Variants in PUM2 observed in about 807,000 individuals in gnomAD.
PUM2 encodes pumilio homolog 2.
PUM2 carries 57 observed loss-of-function variants against 124.5 expected under a neutral mutation model. That is an observed-to-expected ratio of 0.46 (90% CI 0.37 to 0.57). The LOEUF is 0.57. PUM2 is among the 20% of genes least tolerant of loss of function. PUM2 has a pLI of 0.00. For synonymous variants in PUM2, 460 were observed against 446.1 expected (o/e 1.03, Z -0.39); for missense variants, 1,065 against 1,290.6 (o/e 0.83, Z 2.68).
Position 20,257,070 on chromosome 2 carries a change from A to G in PUM2, c.2485-900T>C, listed in dbSNP as rs1014392044. ...AAAAAAAAAAAAAAAAAAAAAAAAA[A>G]AAAGAAATCCAAATAATATTGTTAT... On this transcript the variant is annotated intron_variant, in intron 16 of 20. Transcript: ENST00000361078. 9.4e-4 allele frequency among the ~76,000 whole-genome samples: 140 copies of G among 148,724 alleles called. 2 individuals are homozygous for G. In the East Asian group the frequency reaches 0.024, roughly 25 times the overall value.
chr2:20,294,204 A>C (rs1674930810), intron 9 of PUM2, among the ~76,000 whole-genome samples, 172 bp downstream of exon 9: 1 of 152,232 alleles, frequency 6.6e-6, no homozygotes, highest in Admixed American at 6.5e-5. Flanking sequence ...AATTCATATA[A>C]TACTGATTAG....
intron 12 of PUM2, among the ~76,000 whole-genome samples, chr2:20,280,188 T>C (rs1420879868): frequency 1.3e-5 from 2 of 151,982 alleles, no homozygotes; most frequent in Non-Finnish European, 2.9e-5. Flanking sequence ...TATAAAGGGG[T>C]AAAAAAACCA....
At chr2:20,253,736 C>T (rs531655032) in intron 20 of PUM2, 86 bp downstream of exon 20, 48 of 1,225,704 alleles carry the variant, frequency 3.9e-5, no homozygotes, top group Non-Finnish European at 4.0e-5. Flanking sequence ...TTATAACATA[C>T]GGGAGGAAAT....
rs569005284 is a variant in PUM2, at chr2:20,312,116, T to A, written c.348+120A>T. 1.8e-3 allele frequency: 1,616 copies of A among 907,772 alleles called. 3 individuals are homozygous for A. The highest frequency in any genetic ancestry group is 2.4e-3 in the Non-Finnish European group (1,500 of 623,720). The allele number at this position is 907,772 out of a possible 1,614,324, so 56.2% of individuals were successfully genotyped here. A position where few individuals can be genotyped will look rare whatever the true frequency, so the allele number is the denominator to read the frequency against. ...TAAGCAGAAGAATAGCAATAATAGT[T>A]ACAAAATTTCTCTTAGCTATAGGAA... is the stretch of plus-strand genomic sequence containing the variant. On this transcript the variant is annotated intron_variant, in intron 4 of 20. Coordinates refer to ENST00000361078, the MANE Select transcript of PUM2 (RefSeq NM_015317.5).
chr2:20,253,075 T>A (rs754095693), intron 20 of PUM2, among the ~76,000 whole-genome samples: 1 of 152,190 alleles, frequency 6.6e-6, no homozygotes. Context: ...CAGGAGTGGG[T>A]GGGTCCTGCA....
intron 15 of PUM2, 44 bp downstream of exon 15, chr2:20,260,293 C>G: frequency 6.4e-7 from 1 of 1,554,448 alleles, no homozygotes; most frequent in South Asian, 1.2e-5. Context: ...ATCAAGTATA[C>G]AACAGCTGGA....
At chr2:20,328,765 TGAA>T (rs1384358060) in intron 1 of PUM2, among the ~76,000 whole-genome samples, 1 of 152,118 alleles carries the variant, frequency 6.6e-6, no homozygotes, top group East Asian at 1.9e-4. Context: ...ATTTCTAATT[TGAA>T]GAATAGGAAA....
At chr2:20,351,811 C>A (rs540923748), upstream of PUM2, among the ~76,000 whole-genome samples, 5 of 152,278 alleles carry the variant, frequency 3.3e-5, no homozygotes, top group African/African-American at 1.2e-4. Context: ...CTTCCCTAGG[C>A]GACTGTGAGC....
At chr2:20,294,557 G>C in intron 8 of PUM2, 39 bp from the exon 9 acceptor site, 2 of 1,556,454 alleles carry the variant, frequency 1.3e-6, no homozygotes, top group Non-Finnish European at 1.7e-6. Context: ...AAAGTTACTA[G>C]ATTTTACATA....
chr2:20,282,211 G>A (rs1295891363), intron 12 of PUM2, among the ~76,000 whole-genome samples: 1 of 152,140 alleles, frequency 6.6e-6, no homozygotes, highest in Non-Finnish European at 1.5e-5. Context: ...AGAAGTCAAC[G>A]TGGGCCTCTT....
Position 20,253,805 on chromosome 2 carries a change from G to A in PUM2, c.3063+17C>T. ...CACAAAGACAAACAGTTATCTGAGT[G>A]TTACATGCTGTATTACCTTGTGCAT... On this transcript the variant is annotated intron_variant, in intron 20 of 20. Transcript: ENST00000361078. The A allele has an allele frequency of 6.3e-7, 1 of 1,590,014 alleles. No individual in the cohort carries two copies. Among genetic ancestry groups the A allele is most frequent in the Non-Finnish European group, 8.6e-7 (1 of 1,162,234 alleles).
In PUM2 at chr2:20,265,590, TG is replaced by T. The variant is rs200805526; in HGVS notation, c.1958-2131del. On this transcript the variant is annotated intron_variant, in intron 13 of 20. Transcript: ENST00000361078. ...GGGTGCTTTGCTTATCATTTCAATT[TG>T]GTTAAAATTTTTTCTTAATCAGCTG... Among the ~76,000 whole-genome samples the T allele has an allele frequency of 7.0e-3, 1,072 of 152,340 alleles. 18 individuals are homozygous for T. The highest frequency in any genetic ancestry group is 0.025 in the African/African-American group (1,035 of 41,576).
At chr2:20,339,578 T>C (rs778835041) in intron 1 of PUM2, among the ~76,000 whole-genome samples, 26 of 151,976 alleles carry the variant, frequency 1.7e-4, no homozygotes, top group Non-Finnish European at 3.4e-4. Context: ...CCATCTGATT[T>C]AAAAGAAAAA....
At chr2:20,322,595 G>A (rs112760880) in intron 2 of PUM2, among the ~76,000 whole-genome samples, 5,132 of 152,136 alleles carry the variant, frequency 0.034, 139 homozygotes, top group Non-Finnish European at 0.048. Flanking sequence ...TTGAGCTCAG[G>A]AGTTGAAGAC....
chr2:20,258,185 G>A (rs1665272598), intron 16 of PUM2, 58 bp downstream of exon 16: 1 of 1,411,362 alleles, frequency 7.1e-7, no homozygotes, highest in African/African-American at 1.5e-5. Flanking sequence ...TTAAAAACAT[G>A]TAATAATTTA....
chr2:20,351,122 T>G (rs991998790), upstream of PUM2, among the ~76,000 whole-genome samples: 3 of 152,150 alleles, frequency 2.0e-5, no homozygotes, highest in Non-Finnish European at 2.9e-5. Context: ...TGCCAAACGC[T>G]GTGTTCGACT....
At position 20,308,256 on chromosome 2, in the gene PUM2, T is replaced by G. The variant is rs367838909; in HGVS notation, c.789+58A>C. On this transcript the variant is annotated intron_variant, in intron 6 of 20. Transcript: ENST00000361078. ...ATTCTTTTCAATGCCACATAGCACT[T>G]CAGGCTAAACCAGTATACAGTTAAG... The G allele has an allele frequency of 1.1e-5, 17 of 1,558,460 alleles. No individual in the cohort carries two copies. In the South Asian group the frequency reaches 1.8e-4, roughly 16 times the overall value.
chr2:20,294,580 G>A, intron 8 of PUM2, 62 bp from the exon 9 acceptor site: 1 of 1,493,896 alleles, frequency 6.7e-7, no homozygotes, highest in Non-Finnish European at 9.0e-7. Context: ...CATGAGGTTA[G>A]CTACCTATCA....
At chr2:20,314,313 T>C (rs1317865709) in intron 3 of PUM2, among the ~76,000 whole-genome samples, 1 of 152,112 alleles carries the variant, frequency 6.6e-6, no homozygotes, top group East Asian at 1.9e-4. Flanking sequence ...CAGAATTTTC[T>C]ATTCTTGGTT....
Sources: gnomAD v4.1 joint callset for allele counts (sites outside exome capture counted in the v4.1 genomes callset) on GRCh38, gnomAD v4.1.1 for gene constraint, MANE v1.5 for transcripts, NCBI Gene and HGNC (gene_info 2026-07-23, HGNC 2026-07-21) for gene names.